ARFGAP1: variants seen among roughly 807,000 people sequenced by gnomAD.
ARFGAP1 encodes the protein ADP-ribosylation factor GTPase-activating protein 1.
ARFGAP1 carries 26 observed loss-of-function variants against 54.0 expected under a neutral mutation model. That is an observed-to-expected ratio of 0.48 (90% CI 0.35 to 0.67). The LOEUF is 0.67. Ranked by LOEUF, ARFGAP1 falls within the 30% of genes least tolerant of loss-of-function variation. The probability of loss-of-function intolerance (pLI) is 0.00; values close to 1 mark genes in which losing one functional copy is unlikely to be tolerated. For missense variants in ARFGAP1, 525 were observed against 535.8 expected (o/e 0.98, Z 0.20); for synonymous variants, 248 against 211.9 (o/e 1.17, Z -1.48).
At chr20:63,284,450 C>A in intron 9 of ARFGAP1, 1 of 1,102,442 alleles carries the variant, frequency 9.1e-7, no homozygotes, top group Non-Finnish European at 1.1e-6. Context: ...CCCCAGCCTC[C>A]GTGCCCTCTT....
chr20:63,287,886 C>A lies in ARFGAP1; in HGVS notation c.*13C>A. The A allele has an allele frequency of 6.7e-7, 1 of 1,501,700 alleles. No homozygotes were observed. The highest frequency in any genetic ancestry group is 8.9e-7 in the Non-Finnish European group (1 of 1,123,692). The allele number at this position is 1,501,700 out of a possible 1,614,324, so 93.0% of individuals were successfully genotyped here. ...CCAGAACTGGTAGGGCCCACTGCGC[C>A]CCCGTCCCCAGCGCCCCCGGGCGAC... On this transcript the variant is annotated 3_prime_UTR_variant, in exon 13 of 13. Coordinates refer to ENST00000370283, the MANE Select transcript of ARFGAP1 (RefSeq NM_018209.4).
chr20:63,285,486 G>A (rs954547589), intron 10 of ARFGAP1, 168 bp from the exon 11 acceptor site: 9 of 694,498 alleles, frequency 1.3e-5, no homozygotes, highest in African/African-American at 1.1e-4. Context: ...GTTTCTTGAT[G>A]CTGGAATCCC....
rs1224788751 is a variant in ARFGAP1, at chr20:63,289,080, G to A, written c.*1207G>A. 6 of 156,102 alleles carry A rather than the reference G, an allele frequency of 3.8e-5. No individual in the cohort carries two copies. The South Asian group carries it at 9.8e-4, about 26-fold the overall frequency. The allele number at this position is 156,102 out of a possible 1,614,324, so 9.7% of individuals were successfully genotyped here. ...AACAGGATGGGACCGAGATTTCAGCGAGCCCTCCTGGCGCCCGGTCCTCCC... is the reference window on the plus strand; with the variant it reads ...AACAGGATGGGACCGAGATTTCAGCAAGCCCTCCTGGCGCCCGGTCCTCCC... On this transcript the variant is annotated 3_prime_UTR_variant, in exon 13 of 13. Transcript: ENST00000370283.
Position 63,288,395 on chromosome 20 carries a change from C to T in ARFGAP1, c.*522C>T, listed in dbSNP as rs776871165. 8.8e-6 allele frequency: 4 copies of T among 456,138 alleles called. No homozygotes were observed. In the East Asian group the frequency reaches 2.8e-4, roughly 32 times the overall value. 28.3% of individuals were successfully genotyped at this position (456,138 alleles called of 1,614,324 possible). ...GGCGCTCACGCTGCCATCCGACCAC[C>T]CTCGGCTCCCGAGTCCACGCCTGCC... is the stretch of plus-strand genomic sequence containing the variant. On this transcript the variant is annotated 3_prime_UTR_variant, in exon 13 of 13. Coordinates refer to ENST00000370283, the MANE Select transcript of ARFGAP1 (RefSeq NM_018209.4).
At chr20:63,275,986 C>T in intron 2 of ARFGAP1, 105 bp from the exon 3 acceptor site, 1 of 1,037,074 alleles carries the variant, frequency 9.6e-7, no homozygotes, top group South Asian at 1.3e-5. Context: ...CCCGGCCACC[C>T]TGGGCAGCCC....
Position 63,276,728 on chromosome 20 carries a change from T to C in ARFGAP1, c.342+77T>C, listed in dbSNP as rs1489863886. On this transcript the variant is annotated intron_variant, in intron 4 of 12. Coordinates refer to ENST00000370283, the MANE Select transcript of ARFGAP1 (RefSeq NM_018209.4). The surrounding 1 kb of genome is among the most constrained non-coding windows in gnomAD (Gnocchi z 5.2). ...TTTGTGGCAGCTGGACTGTGGCCTT[T>C]AGTGGTTCTGGAGTCGGTTCTTCTG... The C allele has an allele frequency of 1.3e-6, 2 of 1,483,818 alleles. No individual in the cohort carries two copies. The highest frequency in any genetic ancestry group is 1.8e-6 in the Non-Finnish European group (2 of 1,108,084). The allele number at this position is 1,483,818 out of a possible 1,614,324, so 91.9% of individuals were successfully genotyped here.
chr20:63,281,161 G>A, intron 7 of ARFGAP1, 130 bp from the exon 8 acceptor site: 1 of 928,012 alleles, frequency 1.1e-6, no homozygotes, highest in Non-Finnish European at 1.6e-6. Flanking sequence ...AGCAGGCGCG[G>A]TGGGGTCAGG....
rs756585181 is a variant in ARFGAP1 at position 63,287,702 on chromosome 20, G to A, written c.1050G>A (p.Thr350=). The A allele has an allele frequency of 4.5e-5, 73 of 1,611,842 alleles. No homozygotes were observed. Among genetic ancestry groups the A allele is most frequent in the Non-Finnish European group, 5.7e-5 (67 of 1,179,748 alleles). ...TRKSPSSDSW[T]CADTSTERRS... is the part of the protein sequence containing the mutation. ...AGTCCCCGAGCAGCGACAGCTGGAC[G>A]TGCGCGGACACCTCCACCGAGAGGA... The change falls in exon 13 of 13, where the codon ACG becomes ACA. Residue 350 remains threonine (T), a synonymous_variant. Coordinates refer to ENST00000370283, the MANE Select transcript of ARFGAP1 (RefSeq NM_018209.4).
rs2067227102 is a variant in ARFGAP1 at position 63,276,032 on chromosome 20, T to C, written c.61-59T>C. 2 of 1,533,614 alleles carry C rather than the reference T, an allele frequency of 1.3e-6. No individual in the cohort carries two copies. The highest frequency in any genetic ancestry group is 9.0e-7 in the Non-Finnish European group (1 of 1,109,040). On this transcript the variant is annotated intron_variant, in intron 2 of 12. Transcript: ENST00000370283. The surrounding 1 kb of genome is among the most constrained non-coding windows in gnomAD (Gnocchi z 5.2). Reference sequence around the variant, plus strand: ...CTCCTTGAGGCCACCTGTCGGGTCTTTGGGGTCCCTGGGCTCTGCCCTGAG... The same window carrying C: ...CTCCTTGAGGCCACCTGTCGGGTCTCTGGGGTCCCTGGGCTCTGCCCTGAG...
intron 1 of ARFGAP1, among the ~76,000 whole-genome samples, chr20:63,275,317 G>A (rs534379781): frequency 1.3e-5 from 2 of 152,276 alleles, no homozygotes; most frequent in African/African-American, 4.8e-5. Flanking sequence ...TAAGCAAAGC[G>A]GCAGCAGTAA....
At chr20:63,273,729 G>T (rs2067161228) in intron 1 of ARFGAP1, among the ~76,000 whole-genome samples, 1 of 152,178 alleles carries the variant, frequency 6.6e-6, no homozygotes, top group African/African-American at 2.4e-5. Flanking sequence ...TTGTTTGCCT[G>T]TGTCTGTTGA....
rs1365374465 is a variant in ARFGAP1 at position 63,288,736 on chromosome 20, G to C, written c.*863G>C. On this transcript the variant is annotated 3_prime_UTR_variant, in exon 13 of 13. Transcript: ENST00000370283. ...GGGTCTAGGGAAGCTCCAGCCCCAGGATGGGGCTGCCCTGCACACCGGTGC... is the reference window on the plus strand; with the variant it reads ...GGGTCTAGGGAAGCTCCAGCCCCAGCATGGGGCTGCCCTGCACACCGGTGC... The C allele has an allele frequency of 5.7e-6, 2 of 350,854 alleles. No individual in the cohort carries two copies. The highest frequency in any genetic ancestry group is 2.1e-5 in the African/African-American group (1 of 46,650). The allele number at this position is 350,854 out of a possible 1,614,324, so 21.7% of individuals were successfully genotyped here.
Position 63,282,756 on chromosome 20 carries a change from G to C in ARFGAP1, c.685-63G>C. ...TCCTGGACCTGAGTCTGTGGGCCCTGAGGAAGGATGCCTGGCAGCCCATGT... is the reference window on the plus strand; with the variant it reads ...TCCTGGACCTGAGTCTGTGGGCCCTCAGGAAGGATGCCTGGCAGCCCATGT... On this transcript the variant is annotated intron_variant, in intron 8 of 12. Coordinates refer to ENST00000370283, the MANE Select transcript of ARFGAP1 (RefSeq NM_018209.4). 3 of 1,582,544 alleles carry C rather than the reference G, an allele frequency of 1.9e-6. No homozygotes were observed. The South Asian group carries it at 3.3e-5, about 18-fold the overall frequency.
chr20:63,285,435 C>CA, intron 10 of ARFGAP1: 3 of 598,104 alleles, frequency 5.0e-6, no homozygotes, highest in Non-Finnish European at 8.9e-6. Context: ...CAGTGGCCGG[C>CA]AGGGGCCACG....
Position 63,276,448 on chromosome 20 carries a change from C to G in ARFGAP1, c.171-32C>G. ...AGGGTGTCCCTGGGTGTCCCCGGTG[C>G]TGGTTGATCTGCTCGATCCTCTGCT... On this transcript the variant is annotated intron_variant, in intron 3 of 12. Coordinates refer to ENST00000370283, the MANE Select transcript of ARFGAP1 (RefSeq NM_018209.4). This position sits in a 1 kb window ranked among gnomAD's most constrained non-coding sequence, Gnocchi z 5.2. 6.3e-7 allele frequency: 1 copy of G among 1,591,426 alleles called. No individual in the cohort carries two copies. Among genetic ancestry groups the G allele is most frequent in the Non-Finnish European group, 8.6e-7 (1 of 1,166,890 alleles).
chr20:63,287,031 C>G (rs1487921760), intron 12 of ARFGAP1, among the ~76,000 whole-genome samples: 1 of 152,260 alleles, frequency 6.6e-6, no homozygotes, highest in African/African-American at 2.4e-5. Context: ...TGGCCTTGTG[C>G]TGTCTACTGA....
intron 9 of ARFGAP1, chr20:63,284,429 T>G (rs1190362196): frequency 1.9e-6 from 2 of 1,080,240 alleles, no homozygotes; most frequent in Non-Finnish European, 2.3e-6. Flanking sequence ...CTCAGCAGCT[T>G]CTTCCTATGG....
In ARFGAP1 at chr20:63,276,792, C is replaced by T. The variant is rs924705243; in HGVS notation, c.342+141C>T. The stretch of plus-strand genomic sequence containing the variant: ...ACCCACTGGGCCACACACAACTTGC[C>T]GCCCTGGAGCAGAGGCTTCCTGCCC... On this transcript the variant is annotated intron_variant, in intron 4 of 12. Coordinates refer to ENST00000370283, the MANE Select transcript of ARFGAP1 (RefSeq NM_018209.4). The surrounding 1 kb of genome is among the most constrained non-coding windows in gnomAD (Gnocchi z 5.2). 9.9e-6 allele frequency: 10 copies of T among 1,008,790 alleles called. No homozygotes were observed. The highest frequency in any genetic ancestry group is 3.3e-5 in the African/African-American group (2 of 61,442). 62.5% of individuals were successfully genotyped at this position (1,008,790 alleles called of 1,614,324 possible). A position where few individuals can be genotyped will look rare whatever the true frequency, so the allele number is the denominator to read the frequency against.
rs747995360 is a variant in ARFGAP1 at position 63,278,133 on chromosome 20, C to G, written c.460C>G (p.Gln154Glu). ...CGGTTTCAGAGTCTCTGGCCAGCCG[C>G]AGAGTGTGACCGCCTCCTCGGACAA... is the stretch of plus-strand genomic sequence containing the variant. ...SMVHRVSGQP[Q>E]SVTASSDKAF... The change falls in exon 6 of 13, where the codon CAG (glutamine) becomes GAG (glutamate). Residue 154 changes from glutamine to glutamate, a missense_variant. By Grantham distance (29) the Gln-to-Glu change is conservative. Around this residue, in one of 3 missense-constraint regions of ARFGAP1, gnomAD observed 466 missense variants for 453.6 expected, o/e 1.03. Transcript: ENST00000370283. 15 of 1,613,786 alleles carry G rather than the reference C, an allele frequency of 9.3e-6. No homozygotes were observed. Among genetic ancestry groups the G allele is most frequent in the Non-Finnish European group, 1.3e-5 (15 of 1,179,950 alleles).
Sources: gnomAD v4.1 joint callset for allele counts (sites outside exome capture counted in the v4.1 genomes callset) on GRCh38, gnomAD v4.1.1 for gene constraint, gnomAD v4.1.1 regional missense constraint, Gnocchi (gnomAD v3.1) non-coding constraint, MANE v1.5 for transcripts, NCBI Gene and HGNC (gene_info 2026-07-23, HGNC 2026-07-21) for gene names.